The following SRP9 variants were observed in gnomAD, a reference collection of about 807,000 sequenced individuals.
SRP9 encodes the protein signal recognition particle 9, also known as signal recognition particle 9 kDa protein.
SRP9 carries 2 observed loss-of-function variants against 11.7 expected under a neutral mutation model. That is an observed-to-expected ratio of 0.17 (90% CI 0.07 to 0.54). SRP9 has a LOEUF of 0.54. Ranked by LOEUF, SRP9 falls within the 20% of genes least tolerant of loss-of-function variation. SRP9 has a pLI of 0.94. For synonymous variants in SRP9, 27 were observed against 35.6 expected (o/e 0.76, Z 0.86); for missense variants, 54 against 108.1 (o/e 0.50, Z 2.22).
intron 1 of SRP9, among the ~76,000 whole-genome samples, chr1:225,779,344 C>T (rs1233360239): frequency 6.6e-6 from 1 of 151,948 alleles, no homozygotes; most frequent in Non-Finnish European, 1.5e-5. Context: ...CGGGGTTTCA[C>T]CATCTTGGCC....
chr1:225,783,208 A>C, intron 1 of SRP9, 92 bp from the exon 2 acceptor site: 1 of 946,758 alleles, frequency 1.1e-6, no homozygotes, highest in Non-Finnish European at 1.6e-6. Flanking sequence ...TATTTATTCT[A>C]AAAGGATCCT....
intron 2 of SRP9, among the ~76,000 whole-genome samples, chr1:225,784,151 C>T (rs1559005534): frequency 7.0e-6 from 1 of 141,994 alleles, no homozygotes; most frequent in Non-Finnish European, 1.5e-5. Context: ...AGTTCATATT[C>T]TTCTGACTTT....
intron 1 of SRP9, among the ~76,000 whole-genome samples, chr1:225,780,382 G>T (rs547595043): frequency 5.2e-4 from 79 of 151,600 alleles, no homozygotes; most frequent in African/African-American, 1.8e-3. Flanking sequence ...AGTTTTTTTT[G>T]TTTGTTTGTT....
intron 2 of SRP9, among the ~76,000 whole-genome samples, chr1:225,785,896 G>A (rs369662059): frequency 5.3e-4 from 81 of 151,988 alleles, no homozygotes; most frequent in African/African-American, 1.7e-3. Flanking sequence ...TCGCCCAGGC[G>A]GCTGGAGTTG....
intron 2 of SRP9, 136 bp downstream of exon 2, chr1:225,783,504 C>T (rs1409019750): frequency 1.5e-6 from 1 of 671,046 alleles, no homozygotes; most frequent in Non-Finnish European, 2.5e-6. Context: ...GATGAAGAAC[C>T]TCATTCTAGC....
At chr1:225,781,367 C>T (rs905005430) in intron 1 of SRP9, among the ~76,000 whole-genome samples, 1 of 150,004 alleles carries the variant, frequency 6.7e-6, no homozygotes, top group East Asian at 1.9e-4. Context: ...CTTTTATAAA[C>T]ACGATTGGCC....
At chr1:225,778,105 G>T in intron 1 of SRP9, 93 bp downstream of exon 1, 1 of 1,384,938 alleles carries the variant, frequency 7.2e-7, no homozygotes, top group Non-Finnish European at 1.0e-6. Flanking sequence ...GCGCTCCCAG[G>T]AGGTGCTGGG....
chr1:225,778,127 A>G (rs932543971), intron 1 of SRP9, 115 bp downstream of exon 1: 4 of 1,131,452 alleles, frequency 3.5e-6, no homozygotes, highest in African/African-American at 1.6e-5. Flanking sequence ...ATGAACACAA[A>G]TGGACCCTGC....
rs867642436 is a variant in SRP9 at position 225,779,279 on chromosome 1, G to A, written c.72+1267G>A. Among the ~76,000 whole-genome samples, 11 of 152,138 alleles carry A rather than the reference G, an allele frequency of 7.2e-5. No individual in the cohort carries two copies. The Middle Eastern group carries it at 0.017, about 235-fold the overall frequency. On this transcript the variant is annotated intron_variant, in intron 1 of 2. Coordinates refer to ENST00000304786, the MANE Select transcript of SRP9 (RefSeq NM_003133.6). ...CCTGCCTCAGCTTCCCGAGTAGCTA[G>A]GTTTACAGGCGCCTGCCACCACACC...
chr1:225,787,492 C>A (rs1309038103), intron 2 of SRP9, among the ~76,000 whole-genome samples: 1 of 151,956 alleles, frequency 6.6e-6, no homozygotes, highest in African/African-American at 2.4e-5. Flanking sequence ...CAAGATTGTG[C>A]CACTGCACTC....
intron 1 of SRP9, among the ~76,000 whole-genome samples, chr1:225,778,914 T>A (rs1665740418): frequency 6.6e-6 from 1 of 152,250 alleles, no homozygotes; most frequent in Non-Finnish European, 1.5e-5. Flanking sequence ...CTCAGTTATC[T>A]CTTTTATGCT....
chr1:225,787,262 C>A (rs540986984), intron 2 of SRP9, among the ~76,000 whole-genome samples: 1 of 152,054 alleles, frequency 6.6e-6, no homozygotes, highest in East Asian at 1.9e-4. Flanking sequence ...AGGCCGGGCG[C>A]GGTGGCTCGT....
rs67816765 is a variant in SRP9 at position 225,780,178 on chromosome 1, ATTTTTT to A, written c.72+2187_72+2192del. On this transcript the variant is annotated intron_variant, in intron 1 of 2. Coordinates refer to ENST00000304786, the MANE Select transcript of SRP9 (RefSeq NM_003133.6). Reference sequence around the variant, plus strand: ...ACAGACATGCCACCATGCCTGCCTAATTTTTTTTTTTTTTTTTTTTTTTTTTAAAGA... The same window carrying A: ...ACAGACATGCCACCATGCCTGCCTAATTTTTTTTTTTTTTTTTTTTAAAGA... Among the ~76,000 whole-genome samples, 113 of 130,168 alleles carry A rather than the reference ATTTTTT, an allele frequency of 8.7e-4. 1 individual carries two copies. The highest frequency in any genetic ancestry group is 1.2e-3 in the Admixed American group (15 of 12,202). The allele number at this position is 130,168 out of a possible 152,430, so 85.4% of individuals were successfully genotyped here.
At position 225,777,948 on chromosome 1, in the gene SRP9, A is replaced by C; in HGVS notation, c.8A>C (p.Gln3Pro). 1 of 1,614,106 alleles carries C rather than the reference A, an allele frequency of 6.2e-7. No homozygotes were observed. Among genetic ancestry groups the C allele is most frequent in the South Asian group, 1.1e-5 (1 of 91,084 alleles). ...TTTCCACTCTAGGCCACGATGCCGC[A>C]GTACCAGACCTGGGAGGAGTTCAGC... is the stretch of plus-strand genomic sequence containing the variant. MP[Q>P]YQTWEEFSRA... is the part of the protein sequence containing the mutation. Residue 3 changes from glutamine (Q) to proline (P), a missense_variant, in exon 1 of 3, where the codon CAG (glutamine) becomes CCG (proline). Transcript: ENST00000304786.
intron 2 of SRP9, chr1:225,786,802 T>C: frequency 1.6e-6 from 2 of 1,256,788 alleles, no homozygotes; most frequent in Non-Finnish European, 2.1e-6. Flanking sequence ...CTTGGTAGAT[T>C]GAGTACATGT....
intron 2 of SRP9, chr1:225,786,936 G>C (rs1218928049): frequency 1.5e-6 from 1 of 668,374 alleles, no homozygotes; most frequent in Admixed American, 2.6e-5. Context: ...TCGACCTCCT[G>C]GGCTCAAGCG....
intron 1 of SRP9, 123 bp from the exon 2 acceptor site, chr1:225,783,177 A>G (rs1326387568): frequency 6.3e-6 from 4 of 637,136 alleles, no homozygotes; most frequent in African/African-American, 3.7e-5. Context: ...TATAGTAAAA[A>G]TGCCTTTAGA....
intron 2 of SRP9, among the ~76,000 whole-genome samples, chr1:225,786,466 G>A (rs1228917006): frequency 1.3e-5 from 2 of 152,112 alleles, no homozygotes; most frequent in African/African-American, 4.8e-5. Flanking sequence ...ATCACTTTTT[G>A]TCTTTGGTCA....
intron 2 of SRP9, among the ~76,000 whole-genome samples, chr1:225,783,820 C>T (rs1462990025): frequency 6.6e-6 from 1 of 152,200 alleles, no homozygotes; most frequent in Non-Finnish European, 1.5e-5. Context: ...GAGAGCACAT[C>T]AGCAGCTCCT....
Sources: allele counts gnomAD v4.1 joint callset (sites outside exome capture counted in the v4.1 genomes callset), GRCh38; gene constraint gnomAD v4.1.1; transcripts MANE v1.5; gene names NCBI Gene and HGNC (gene_info 2026-07-23, HGNC 2026-07-21).